Variants in MGAT4C observed in about 807,000 individuals in gnomAD.
The protein encoded by MGAT4C is alpha-1,3-mannosyl-glycoprotein 4-beta-N-acetylglucosaminyltransferase C.
A neutral mutation model predicts 40.1 loss-of-function variants in MGAT4C; 19 were observed. The observed-to-expected ratio is 0.47, with a 90% CI of 0.33 to 0.70. The LOEUF (loss-of-function observed/expected upper bound fraction) is 0.70. Ranked by LOEUF, MGAT4C falls within the 30% of genes least tolerant of loss-of-function variation. MGAT4C has a pLI of 0.02. For synonymous variants in MGAT4C, 181 were observed against 187.1 expected, an observed-to-expected ratio of 0.97 and a Z score of 0.27; for missense variants, 491 against 563.2, an observed-to-expected ratio of 0.87 and a Z score of 1.30.
At chr12:86,447,977 T>C (rs189340051) in intron 2 of MGAT4C, among the ~76,000 whole-genome samples, 2 of 152,300 alleles carry the variant, frequency 1.3e-5, no homozygotes, top group East Asian at 3.9e-4. Context: ...GTTTGAGACC[T>C]TTTGCTGCAT....
chr12:86,543,637 A>T (rs1368193467), intron 2 of MGAT4C, among the ~76,000 whole-genome samples: 1 of 152,158 alleles, frequency 6.6e-6, no homozygotes, highest in African/African-American at 2.4e-5. Context: ...GAAAACTTTC[A>T]GATAATGTCA....
chr12:86,419,521 G>A (rs925954424), intron 3 of MGAT4C, among the ~76,000 whole-genome samples: 41 of 152,010 alleles, frequency 2.7e-4, no homozygotes, highest in African/African-American at 9.6e-4. Flanking sequence ...CAGCTTCCTA[G>A]ATCAAGGAAT....
chr12:86,416,152 T>C (rs1956707534), intron 3 of MGAT4C, among the ~76,000 whole-genome samples: 1 of 152,034 alleles, frequency 6.6e-6, no homozygotes, highest in Non-Finnish European at 1.5e-5. Flanking sequence ...ATTAGTTAAC[T>C]AAGTCAAGAT....
At chr12:86,597,731 A>G (rs1447639905) in intron 2 of MGAT4C, among the ~76,000 whole-genome samples, 1 of 152,136 alleles carries the variant, frequency 6.6e-6, no homozygotes, top group Non-Finnish European at 1.5e-5. Flanking sequence ...CTATATCCTG[A>G]TGATTTCATC....
intron 2 of MGAT4C, among the ~76,000 whole-genome samples, chr12:86,721,017 C>T (rs1430367585): frequency 6.6e-6 from 1 of 152,208 alleles, no homozygotes; most frequent in East Asian, 1.9e-4. Flanking sequence ...TAAAATTAAT[C>T]CCAAGTTGGT....
intron 2 of MGAT4C, among the ~76,000 whole-genome samples, chr12:86,699,149 G>A (rs1246007483): frequency 6.6e-6 from 1 of 152,056 alleles, no homozygotes; most frequent in Non-Finnish European, 1.5e-5. Context: ...AAATGAGGTA[G>A]ATAAATAAAT....
intron 1 of MGAT4C, among the ~76,000 whole-genome samples, chr12:86,108,816 T>C (rs1339041631): frequency 1.3e-5 from 2 of 152,146 alleles, no homozygotes; most frequent in Non-Finnish European, 2.9e-5. Flanking sequence ...TGAATATGTA[T>C]GTTTAGCCAA....
rs138377124 is a variant in MGAT4C, at chr12:86,305,631, C to T, written c.-57+28434G>A. On this transcript the variant is annotated intron_variant, in intron 4 of 7. Transcript: ENST00000548651. ...TGGTTCAAAGACTCCCCATGAACAC[C>T]AAAATCTGCAAATGTTCAAGTCTTT... Among the ~76,000 whole-genome samples, 5 of 150,050 alleles carry T rather than the reference C, an allele frequency of 3.3e-5. 1 individual carries two copies. The highest frequency in any genetic ancestry group is 1.3e-4 in the African/African-American group (5 of 39,678).
chr12:86,475,812 A>G (rs971299235), intron 2 of MGAT4C, among the ~76,000 whole-genome samples: 1 of 152,096 alleles, frequency 6.6e-6, no homozygotes. Flanking sequence ...CAAAGTAAGC[A>G]TGATAAACTG....
intron 2 of MGAT4C, among the ~76,000 whole-genome samples, chr12:86,525,951 C>T (rs1445069230): frequency 1.3e-5 from 2 of 152,244 alleles, no homozygotes; most frequent in Non-Finnish European, 2.9e-5. Context: ...AGTGGCAATG[C>T]AGCAGCATGT....
intron 4 of MGAT4C, among the ~76,000 whole-genome samples, chr12:86,269,538 T>C (rs539836080): frequency 8.6e-4 from 131 of 151,912 alleles, no homozygotes; most frequent in Admixed American, 3.5e-3. Flanking sequence ...AACTGAATTA[T>C]AAACTCTCCA....
intron 4 of MGAT4C, among the ~76,000 whole-genome samples, chr12:86,310,316 A>T (rs1954039413): frequency 6.6e-6 from 1 of 152,172 alleles, no homozygotes; most frequent in Non-Finnish European, 1.5e-5. Context: ...TTTTGAAATA[A>T]ACAATAGTAA....
chr12:86,674,990 C>A (rs1294467200), intron 2 of MGAT4C, among the ~76,000 whole-genome samples: 1 of 152,154 alleles, frequency 6.6e-6, no homozygotes, highest in Non-Finnish European at 1.5e-5. Context: ...CAATTAACCT[C>A]ATTTTACCTT....
At chr12:86,771,824 T>C (rs977921611) in intron 1 of MGAT4C, among the ~76,000 whole-genome samples, 1 of 152,060 alleles carries the variant, frequency 6.6e-6, no homozygotes, top group Non-Finnish European at 1.5e-5. Context: ...AAACGACCTT[T>C]GTTATACAGT....
intron 1 of MGAT4C, among the ~76,000 whole-genome samples, chr12:86,142,969 C>T (rs1566044401): frequency 6.6e-6 from 1 of 151,994 alleles, no homozygotes. Context: ...TCCAGAGAAC[C>T]CACTTATTGT....
At chr12:86,410,981 A>C (rs1956591886) in intron 3 of MGAT4C, among the ~76,000 whole-genome samples, 1 of 152,048 alleles carries the variant, frequency 6.6e-6, no homozygotes, top group Non-Finnish European at 1.5e-5. Context: ...ATGTGTCAGC[A>C]TCCACTTTAC....
chr12:86,138,965 C>A (rs1376020690), intron 1 of MGAT4C, among the ~76,000 whole-genome samples: 3 of 152,048 alleles, frequency 2.0e-5, no homozygotes, highest in Non-Finnish European at 4.4e-5. Context: ...GCTGGAAGAT[C>A]ACGTGTGAAA....
chr12:86,586,726 T>TC (rs1961057658), intron 2 of MGAT4C, among the ~76,000 whole-genome samples: 1 of 150,844 alleles, frequency 6.6e-6, no homozygotes, highest in African/African-American at 2.4e-5. Context: ...TTTTCATGTG[T>TC]TGTTTGGCTG....
chr12:86,167,648 G>A (rs141466526), intron 1 of MGAT4C, among the ~76,000 whole-genome samples: 2 of 75,526 alleles, frequency 2.6e-5, no homozygotes, highest in African/African-American at 6.2e-5. Context: ...AAGAAAGAGA[G>A]GGGCAAACTC....
Sources: allele counts gnomAD v4.1 joint callset (sites outside exome capture counted in the v4.1 genomes callset), GRCh38; gene constraint gnomAD v4.1.1; transcripts MANE v1.5; gene names NCBI Gene and HGNC (gene_info 2026-07-23, HGNC 2026-07-21).